Variants in ITSN2 observed in about 807,000 individuals in gnomAD.
The protein encoded by ITSN2 is intersectin-2.
ITSN2 carries 156 observed loss-of-function variants against 243.7 expected under a neutral mutation model. The ratio of observed to expected loss-of-function variants is 0.64; its 90% CI spans 0.56 to 0.73. The LOEUF (loss-of-function observed/expected upper bound fraction) is 0.73, where lower values mean the gene tolerates loss of function less well. Ranked by LOEUF, ITSN2 falls within the 30% of genes least tolerant of loss-of-function variation. The pLI, the probability that ITSN2 is intolerant of heterozygous loss-of-function variation, is 0.00. For synonymous variants in ITSN2, 703 were observed against 699.9 expected (o/e 1.00, Z -0.07); for missense variants, 1,801 against 1,996.1 (o/e 0.90, Z 1.86).
chr2:24,295,906 T>A, intron 13 of ITSN2, 102 bp from the exon 14 acceptor site: 1 of 842,446 alleles, frequency 1.2e-6, no homozygotes, highest in South Asian at 2.3e-5. Context: ...ATCTCAGTTA[T>A]CATTCATATT....
chr2:24,326,620 T>C (rs547059469), intron 2 of ITSN2: 17 of 169,154 alleles, frequency 1.0e-4, no homozygotes, highest in Admixed American at 4.6e-4. Context: ...CATCAATGTT[T>C]ATAATCCCAC....
Position 24,328,086 on chromosome 2 carries a change from C to G in ITSN2, c.-4G>C. 6.2e-7 allele frequency: 1 copy of G among 1,613,842 alleles called. No individual in the cohort carries two copies. On this transcript the variant is annotated 5_prime_UTR_variant, in exon 2 of 40. Transcript: ENST00000355123. ...CTGTGGGAAACTGAGCCATCATGGTCCTGAGTTTTCCTTGCTAGCTCTCAG... is the reference window on the plus strand; with the variant it reads ...CTGTGGGAAACTGAGCCATCATGGTGCTGAGTTTTCCTTGCTAGCTCTCAG...
intron 2 of ITSN2, among the ~76,000 whole-genome samples, chr2:24,325,960 TTCACAC>T (rs961441065): frequency 6.6e-6 from 1 of 151,674 alleles, no homozygotes; most frequent in African/African-American, 2.4e-5. Context: ...CACATACACA[TTCACAC>T]ACAGGCATAC....
chr2:24,315,252 T>A, intron 2 of ITSN2, 28 bp from the exon 3 acceptor site: 1 of 1,262,374 alleles, frequency 7.9e-7, no homozygotes, highest in Non-Finnish European at 1.1e-6. Flanking sequence ...GAAACTATAG[T>A]GTATACATGA....
At chr2:24,203,840 A>T (rs1450963491) in intron 39 of ITSN2, 57 bp from the exon 40 acceptor site, 1 of 1,526,948 alleles carries the variant, frequency 6.5e-7, no homozygotes, top group East Asian at 2.3e-5. Context: ...ATCATTAAAG[A>T]GCTACATCCG....
At chr2:24,259,426 CAG>C (rs761668841) in intron 22 of ITSN2, among the ~76,000 whole-genome samples, 5 of 152,092 alleles carry the variant, frequency 3.3e-5, no homozygotes, top group Non-Finnish European at 7.4e-5. Flanking sequence ...TCTGCTAATC[CAG>C]ACTTTATGTT....
chr2:24,214,655 A>G (rs1305231673), intron 32 of ITSN2, among the ~76,000 whole-genome samples: 5 of 152,136 alleles, frequency 3.3e-5, no homozygotes, highest in Non-Finnish European at 7.4e-5. Context: ...TTTCTCTATT[A>G]GATTCATCAG....
At position 24,287,749 on chromosome 2, in the gene ITSN2, A is replaced by G. The variant is rs535512726; in HGVS notation, c.1724-1398T>C. ...CAGCCATCCTACCAGGTGTGAGGTG[A>G]TATTATATTTCAATGTGGTTTAGAT... On this transcript the variant is annotated intron_variant, in intron 15 of 39. Transcript: ENST00000355123. 2.6e-3 allele frequency among the ~76,000 whole-genome samples: 390 copies of G among 152,128 alleles called. 1 individual carries two copies. Among genetic ancestry groups the G allele is most frequent in the Non-Finnish European group, 3.3e-3 (226 of 67,958 alleles).
At chr2:24,354,586 T>C (rs1035527905) in intron 1 of ITSN2, among the ~76,000 whole-genome samples, 2 of 152,146 alleles carry the variant, frequency 1.3e-5, no homozygotes, top group African/African-American at 4.8e-5. Context: ...AGCTAATATT[T>C]CCCCATTTCA....
intron 30 of ITSN2, chr2:24,220,422 AC>A (rs1670335123): frequency 1.0e-6 from 1 of 986,012 alleles, no homozygotes; most frequent in Non-Finnish European, 1.2e-6. Context: ...ACTGGTATAA[AC>A]AAACAGTAGC....
At chr2:24,271,654 T>C in intron 19 of ITSN2, 112 bp downstream of exon 19, 7 of 1,339,982 alleles carry the variant, frequency 5.2e-6, no homozygotes, top group Non-Finnish European at 6.8e-6. Flanking sequence ...AAAGGTTTTT[T>C]CTGACTCTAC....
At chr2:24,334,294 C>T (rs2551128) in intron 1 of ITSN2, among the ~76,000 whole-genome samples, 1 of 152,242 alleles carries the variant, frequency 6.6e-6, no homozygotes, top group South Asian at 2.1e-4. Context: ...CCTGACCTCA[C>T]GTGATCCGCC....
rs571151750 is a variant in ITSN2, at chr2:24,239,014, A to T, written c.3577+7115T>A. ...AAATAAAAACAGATTATCTCATGCCAAGCGTGCCCAGCATTTGCACAATCT... is the reference window on the plus strand; with the variant it reads ...AAATAAAAACAGATTATCTCATGCCTAGCGTGCCCAGCATTTGCACAATCT... On this transcript the variant is annotated intron_variant, in intron 29 of 39. Transcript: ENST00000355123. The T allele has an allele frequency of 3.9e-5, 6 of 152,584 alleles. No individual in the cohort carries two copies. In the South Asian group the frequency reaches 1.2e-3, roughly 32 times the overall value. 9.5% of individuals were successfully genotyped at this position (152,584 alleles called of 1,614,324 possible). A position where few individuals can be genotyped will look rare whatever the true frequency, so the allele number is the denominator to read the frequency against.
intron 1 of ITSN2, among the ~76,000 whole-genome samples, chr2:24,347,412 C>A (rs1687637594): frequency 6.6e-6 from 1 of 152,052 alleles, no homozygotes; most frequent in South Asian, 2.1e-4. Flanking sequence ...GTAGGCCAGG[C>A]ACTGGGGCTC....
intron 38 of ITSN2, 54 bp downstream of exon 38, chr2:24,205,160 C>T: frequency 6.7e-7 from 1 of 1,494,116 alleles, no homozygotes; most frequent in South Asian, 1.1e-5. Flanking sequence ...AAGTCATCAG[C>T]AAAAACTGGG....
intron 7 of ITSN2, 106 bp from the exon 8 acceptor site, chr2:24,308,862 C>A (rs1398463686): frequency 2.6e-6 from 2 of 764,250 alleles, no homozygotes; most frequent in South Asian, 1.6e-5. Flanking sequence ...GGGTCCTGAA[C>A]CCCCGGGCCA....
intron 29 of ITSN2, among the ~76,000 whole-genome samples, chr2:24,233,993 G>C (rs897841277): frequency 6.6e-6 from 1 of 152,140 alleles, no homozygotes; most frequent in African/African-American, 2.4e-5. Flanking sequence ...AGTTTATACG[G>C]AGAGGCAAAA....
chr2:24,354,776 G>A (rs1022239054), intron 1 of ITSN2, among the ~76,000 whole-genome samples: 2 of 152,078 alleles, frequency 1.3e-5, no homozygotes, highest in African/African-American at 4.8e-5. Context: ...AAATGAATAC[G>A]CATTCGTGAA....
At chr2:24,208,365 A>G (rs1669130917) in intron 36 of ITSN2, 46 bp from the exon 37 acceptor site, 4 of 1,434,870 alleles carry the variant, frequency 2.8e-6, no homozygotes, top group African/African-American at 2.8e-5. Flanking sequence ...CCACCCTCAC[A>G]GGTCAGCGTG....
Sources: gnomAD v4.1 joint callset for allele counts (sites outside exome capture counted in the v4.1 genomes callset) on GRCh38, gnomAD v4.1.1 for gene constraint, MANE v1.5 for transcripts, NCBI Gene and HGNC (gene_info 2026-07-23, HGNC 2026-07-21) for gene names.